The following SSR1 variants were observed in gnomAD, a reference collection of about 807,000 sequenced individuals.
SSR1 encodes translocon-associated protein subunit alpha.
A neutral mutation model predicts 36.1 loss-of-function variants in SSR1; 13 were observed. The ratio of observed to expected loss-of-function variants is 0.36; its 90% CI spans 0.23 to 0.57. The LOEUF (loss-of-function observed/expected upper bound fraction) is 0.57. Ranked by LOEUF, SSR1 falls within the 20% of genes least tolerant of loss-of-function variation. The pLI, the probability that SSR1 is intolerant of heterozygous loss-of-function variation, is 0.81. For synonymous variants in SSR1, 113 were observed against 118.9 expected, an observed-to-expected ratio of 0.95 and a Z score of 0.32; for missense variants, 291 against 338.5, an observed-to-expected ratio of 0.86 and a Z score of 1.10.
chr6:7,294,975 TGTA>T (rs1757761303), intron 7 of SSR1: 5 of 927,208 alleles, frequency 5.4e-6, no homozygotes, highest in Non-Finnish European at 7.6e-6. Context: ...TCTAATAAAA[TGTA>T]GTAAGAAAAA....
At chr6:7,294,690 C>CAAATAAAT (rs60987991) in intron 7 of SSR1, among the ~76,000 whole-genome samples, 10,133 of 150,412 alleles carry the variant, frequency 0.067, 355 homozygotes, top group East Asian at 0.12. Flanking sequence ...GATTCCATCT[C>CAAATAAAT]AAATAAATAA....
At position 7,303,648 on chromosome 6, in the gene SSR1, G is replaced by T. The variant is rs375519359; in HGVS notation, c.193-11C>A. 1 of 1,587,046 alleles carries T rather than the reference G, an allele frequency of 6.3e-7. No individual in the cohort carries two copies. Among genetic ancestry groups the T allele is most frequent in the East Asian group, 2.2e-5 (1 of 44,648 alleles). On this transcript the variant is annotated splice_polypyrimidine_tract_variant and intron_variant, in intron 2 of 7. Transcript: ENST00000244763. ...CTCTTTATCTTCTACCTAAGAAAAA[G>T]AACAATTAAGAGGAGATTACTATGG...
chr6:7,301,800 G>A (rs1242538423), intron 3 of SSR1, among the ~76,000 whole-genome samples: 4 of 152,126 alleles, frequency 2.6e-5, no homozygotes, highest in African/African-American at 9.7e-5. Context: ...CATTCAATAA[G>A]CGTCTCAATT....
chr6:7,298,834 A>C lies in SSR1; in HGVS notation c.544-11T>G. 1 of 1,604,710 alleles carries C rather than the reference A, an allele frequency of 6.2e-7. No homozygotes were observed. Among genetic ancestry groups the C allele is most frequent in the South Asian group, 1.1e-5 (1 of 90,830 alleles). On this transcript the variant is annotated splice_polypyrimidine_tract_variant and intron_variant, in intron 4 of 7. Coordinates refer to ENST00000244763, the MANE Select transcript of SSR1 (RefSeq NM_003144.5). ...TTGGAATACATTGCCCTGTTTAAGA[A>C]AATAAAATAATCAGAAAAATCTAAA...
chr6:7,305,517 T>G (rs998543554), intron 2 of SSR1, among the ~76,000 whole-genome samples: 2 of 152,180 alleles, frequency 1.3e-5, no homozygotes, highest in African/African-American at 4.8e-5. Flanking sequence ...TAAAGATAAG[T>G]AGGTGCAGCA....
At chr6:7,295,012 G>T (rs1757761841) in intron 7 of SSR1, 3 of 1,318,782 alleles carry the variant, frequency 2.3e-6, no homozygotes, top group Admixed American at 3.2e-5. Flanking sequence ...CATTAAACTT[G>T]ACGTAAAATA....
At chr6:7,291,719 T>C (rs1581627037) in intron 7 of SSR1, among the ~76,000 whole-genome samples, 1 of 152,352 alleles carries the variant, frequency 6.6e-6, no homozygotes, top group South Asian at 2.1e-4. Context: ...AACATAGTCT[T>C]TTGAGGATTC....
intron 2 of SSR1, among the ~76,000 whole-genome samples, chr6:7,306,919 TGGTGGGGG>T (rs1305873257): frequency 1.1e-4 from 5 of 47,456 alleles, no homozygotes; most frequent in Non-Finnish European, 1.7e-4. Context: ...TCTGTCTGGG[TGGTGGGGG>T]GGTGGGGGAA....
At chr6:7,294,631 C>T (rs1757754790) in intron 7 of SSR1, among the ~76,000 whole-genome samples, 1 of 152,140 alleles carries the variant, frequency 6.6e-6, no homozygotes, top group Admixed American at 6.5e-5. Context: ...GCGGAGGTAG[C>T]AGTGAGCCAA....
rs561686633 is a variant in SSR1 at position 7,300,527 on chromosome 6, G to A, written c.543+783C>T. On this transcript the variant is annotated intron_variant, in intron 4 of 7. Transcript: ENST00000244763. ...AAATATATGGTTCTATTTTATCTATGAGTACATAAAATGATGGGAAAACAA... is the reference window on the plus strand; with the variant it reads ...AAATATATGGTTCTATTTTATCTATAAGTACATAAAATGATGGGAAAACAA... Among the ~76,000 whole-genome samples, 15 of 152,258 alleles carry A rather than the reference G, an allele frequency of 9.9e-5. No homozygotes were observed. In the East Asian group the frequency reaches 2.9e-3, roughly 29 times the overall value.
chr6:7,296,074 GACAAA>G (rs1291466172), intron 6 of SSR1, among the ~76,000 whole-genome samples: 2 of 152,116 alleles, frequency 1.3e-5, no homozygotes, highest in Non-Finnish European at 2.9e-5. Context: ...AGTTGGCACA[GACAAA>G]ACAAAACGAA....
chr6:7,303,090 G>T (rs2113291853), intron 3 of SSR1, among the ~76,000 whole-genome samples: 1 of 121,066 alleles, frequency 8.3e-6, no homozygotes, highest in Admixed American at 1.1e-4. Flanking sequence ...AGTGAGCCGA[G>T]ATCATACCAC....
At chr6:7,300,803 C>T (rs1757917145) in intron 4 of SSR1, among the ~76,000 whole-genome samples, 1 of 152,094 alleles carries the variant, frequency 6.6e-6, no homozygotes, top group African/African-American at 2.4e-5. Context: ...CCACCATGCC[C>T]AGCTAATTTT....
intron 1 of SSR1, 54 bp from the exon 2 acceptor site, chr6:7,310,083 CT>C (rs1447009415): frequency 1.4e-6 from 2 of 1,461,774 alleles, no homozygotes; most frequent in Non-Finnish European, 1.9e-6. Flanking sequence ...ATACTAATTT[CT>C]TTTTTTAACA....
intron 7 of SSR1, among the ~76,000 whole-genome samples, chr6:7,291,219 T>C (rs758916535): frequency 6.6e-6 from 1 of 151,936 alleles, no homozygotes; most frequent in Non-Finnish European, 1.5e-5. Context: ...GCCAACATGA[T>C]GAAATCCCAT....
intron 1 of SSR1, among the ~76,000 whole-genome samples, chr6:7,310,603 C>T (rs1051779441): frequency 6.6e-6 from 1 of 152,170 alleles, no homozygotes; most frequent in African/African-American, 2.4e-5. Flanking sequence ...TAAACAACCC[C>T]CACGTTTAAA....
At position 7,313,162 on chromosome 6, in the gene SSR1, C is replaced by A; in HGVS notation, c.-42G>T. ...TGTCCAGTTTCCGTCGGCTAAGGCT[C>A]TCGGCGGCTCCGGCGGTAATGGCGT... is the stretch of plus-strand genomic sequence containing the variant. On this transcript the variant is annotated 5_prime_UTR_variant, in exon 1 of 8. Coordinates refer to ENST00000244763, the MANE Select transcript of SSR1 (RefSeq NM_003144.5). 1 of 1,555,056 alleles carries A rather than the reference C, an allele frequency of 6.4e-7. No homozygotes were observed. The highest frequency in any genetic ancestry group is 1.9e-5 in the Admixed American group (1 of 53,108).
chr6:7,308,515 G>C (rs954193785), intron 2 of SSR1, among the ~76,000 whole-genome samples: 2 of 152,158 alleles, frequency 1.3e-5, no homozygotes, highest in African/African-American at 2.4e-5. Flanking sequence ...AAAAAAAGCT[G>C]TGTAGGATGG....
rs187392294 is a variant in SSR1 at position 7,310,025 on chromosome 6, C to T, written c.84G>A (p.Leu28=). Residue 28 remains leucine (L), a synonymous_variant, in exon 2 of 8, where the codon TTG becomes TTA. Transcript: ENST00000244763. The stretch of plus-strand genomic sequence containing the variant: ...CTGTAAGATCTTGTGCCACTGCTAA[C>T]AAGCCTAATGATAAAATACAGAAAA... ...TVLFRGGPRG[L]LAVAQDLTED... 3 of 1,609,772 alleles carry T rather than the reference C, an allele frequency of 1.9e-6. No homozygotes were observed. Among genetic ancestry groups the T allele is most frequent in the Non-Finnish European group, 2.6e-6 (3 of 1,176,424 alleles).
Sources: gnomAD v4.1 joint callset for allele counts (sites outside exome capture counted in the v4.1 genomes callset) on GRCh38, gnomAD v4.1.1 for gene constraint, MANE v1.5 for transcripts, NCBI Gene and HGNC (gene_info 2026-07-23, HGNC 2026-07-21) for gene names.